The following DYNC2H1 variants were observed in gnomAD, a reference collection of about 807,000 sequenced individuals.
DYNC2H1 encodes the protein cytoplasmic dynein 2 heavy chain 1.
Under a neutral mutation model 570.0 loss-of-function variants are expected in DYNC2H1, and 410 were observed. The observed-to-expected ratio is 0.72, with a 90% CI of 0.66 to 0.78. The LOEUF (loss-of-function observed/expected upper bound fraction) is 0.78. Among genes scored for constraint, DYNC2H1 ranks in the 30% least tolerant of loss-of-function variants. The pLI is 0.00. For synonymous variants in DYNC2H1, 1,688 were observed against 1,677.6 expected (o/e 1.01, Z -0.15); for missense variants, 4,865 against 5,046.4 (o/e 0.96, Z 1.09).
chr11:103,334,551 T>C lies in DYNC2H1; in HGVS notation c.12039+10561T>C, dbSNP rs1212849465. Among the ~76,000 whole-genome samples the C allele has an allele frequency of 1.3e-5, 2 of 152,152 alleles. No homozygotes were observed. The highest frequency in any genetic ancestry group is 2.9e-5 in the Non-Finnish European group (2 of 67,978). ...AAAAACAGTTTTAGTTGGCATTTTA[T>C]TACTTTTTAAAATAAATTCAAAGTT... On this transcript the variant is annotated intron_variant, in intron 82 of 88. Coordinates refer to ENST00000375735, the MANE Select transcript of DYNC2H1 (RefSeq NM_001377.3). The surrounding 1 kb of genome is among the most constrained non-coding windows in gnomAD (Gnocchi z 4.3).
chr11:103,426,601 C>G (rs578118612), intron 84 of DYNC2H1, among the ~76,000 whole-genome samples: 3 of 152,230 alleles, frequency 2.0e-5, no homozygotes, highest in East Asian at 1.9e-4. Context: ...TCTATGTTAG[C>G]TTGGAAGACT....
In DYNC2H1 at chr11:103,158,919, T is replaced by G; in HGVS notation, c.4270T>G (p.Ser1424Ala). ...TTTCTATTTTTATTAGGAAAAACGC[T>G]CAGCATTCCCAAGATTTTATTTTAT... ...SLNEFLEEKR[S>A]AFPRFYFIGD... The change falls in exon 28 of 89, where the codon TCA becomes GCA. Residue 1424 changes from serine (S) to alanine (A), a missense_variant. Around this residue, in one of 5 missense-constraint regions of DYNC2H1, gnomAD observed 1,936 missense variants for 1,962.1 expected, o/e 0.99. Transcript: ENST00000375735. 6.2e-7 allele frequency: 1 copy of G among 1,607,956 alleles called. No individual in the cohort carries two copies. Among genetic ancestry groups the G allele is most frequent in the Non-Finnish European group, 8.5e-7 (1 of 1,178,256 alleles).
At chr11:103,282,264 A>C (rs776380565) in intron 72 of DYNC2H1, 35 bp downstream of exon 72, 2 of 1,595,040 alleles carry the variant, frequency 1.3e-6, no homozygotes, top group Middle Eastern at 3.3e-4. Flanking sequence ...TTTGCTCTTA[A>C]AGAAAATATT....
rs985569459 is a variant in DYNC2H1, at chr11:103,435,905, T to C, written c.12367-38T>C. The C allele has an allele frequency of 7.5e-6, 12 of 1,597,122 alleles. No individual in the cohort carries two copies. In the African/African-American group the frequency reaches 1.6e-4, roughly 21 times the overall value. ...TAGTAGTCTTCTATATGTAGTATCA[T>C]ATACACAAACTTAATTTTGACCCTT... On this transcript the variant is annotated intron_variant, in intron 84 of 88. Coordinates refer to ENST00000375735, the MANE Select transcript of DYNC2H1 (RefSeq NM_001377.3).
intron 72 of DYNC2H1, among the ~76,000 whole-genome samples, chr11:103,282,622 A>T (rs999223844): frequency 1.3e-5 from 2 of 151,928 alleles, no homozygotes; most frequent in Non-Finnish European, 2.9e-5. Context: ...TTTTCCTACT[A>T]ATTTCCTATT....
intron 84 of DYNC2H1, among the ~76,000 whole-genome samples, chr11:103,432,337 G>GTTGAGTTC (rs1943921720): frequency 6.6e-6 from 1 of 152,188 alleles, no homozygotes; most frequent in African/African-American, 2.4e-5. Flanking sequence ...AATGGCCGAT[G>GTTGAGTTC]TTGAGTTCTT....
chr11:103,187,299 T>C (rs1306066871), intron 42 of DYNC2H1, 41 bp from the exon 43 acceptor site: 13 of 1,607,646 alleles, frequency 8.1e-6, no homozygotes, highest in Admixed American at 1.7e-5. Context: ...ATTTTGTTGG[T>C]TGCATTTTTA....
rs1862027407 is a variant in DYNC2H1, at chr11:103,185,465, A to G, written c.6633+414A>G. Among the ~76,000 whole-genome samples the G allele has an allele frequency of 6.6e-6, 1 of 151,936 alleles. No individual in the cohort carries two copies. Among genetic ancestry groups the G allele is most frequent in the African/African-American group, 2.4e-5 (1 of 41,432 alleles). Reference sequence around the variant, plus strand: ...ATTATTAATAAATATTTTCTTTAATATATGTTAAAGTTGTATTACAGTCAA... The same window carrying G: ...ATTATTAATAAATATTTTCTTTAATGTATGTTAAAGTTGTATTACAGTCAA... On this transcript the variant is annotated intron_variant, in intron 41 of 88. Transcript: ENST00000375735. This position sits in a 1 kb window ranked among gnomAD's most constrained non-coding sequence, Gnocchi z 4.5.
At chr11:103,353,625 C>CT (rs1940160029) in intron 82 of DYNC2H1, among the ~76,000 whole-genome samples, 1 of 151,974 alleles carries the variant, frequency 6.6e-6, no homozygotes, top group Non-Finnish European at 1.5e-5. Flanking sequence ...GATAGTGATG[C>CT]TTTTTTCCCT....
intron 82 of DYNC2H1, among the ~76,000 whole-genome samples, chr11:103,339,644 G>A (rs1181407325): frequency 1.1e-5 from 1 of 93,460 alleles, no homozygotes; most frequent in Non-Finnish European, 2.4e-5. Flanking sequence ...GGGGAGAGGC[G>A]ATGCATGTAC....
intron 56 of DYNC2H1, among the ~76,000 whole-genome samples, 179 bp downstream of exon 56, chr11:103,220,207 T>C (rs970984883): frequency 6.6e-6 from 1 of 152,144 alleles, no homozygotes; most frequent in African/African-American, 2.4e-5. Context: ...AAGTATAAAT[T>C]AATGGATGAT....
intron 40 of DYNC2H1, among the ~76,000 whole-genome samples, chr11:103,183,055 A>G (rs779903002): frequency 6.6e-6 from 1 of 151,864 alleles, no homozygotes; most frequent in Admixed American, 6.6e-5. Flanking sequence ...TCTACCAACT[A>G]TGTTATAATT....
chr11:103,412,954 T>C (rs1383817813), intron 84 of DYNC2H1, among the ~76,000 whole-genome samples: 2 of 152,130 alleles, frequency 1.3e-5, no homozygotes, highest in South Asian at 4.1e-4. Context: ...TCCAGACCAA[T>C]ATCATTAGCA....
At chr11:103,308,470 C>A (rs1036084366) in intron 78 of DYNC2H1, among the ~76,000 whole-genome samples, 9 of 152,200 alleles carry the variant, frequency 5.9e-5, no homozygotes, top group African/African-American at 1.9e-4. Flanking sequence ...CTGGTGAGCA[C>A]ATATCTCTTC....
intron 26 of DYNC2H1, 117 bp downstream of exon 26, chr11:103,156,887 C>G (rs1860860957): frequency 7.8e-7 from 1 of 1,281,652 alleles, no homozygotes; most frequent in Non-Finnish European, 1.0e-6. Flanking sequence ...TCTGTGTATT[C>G]AAATTCTTTC....
intron 83 of DYNC2H1, among the ~76,000 whole-genome samples, chr11:103,372,328 T>C (rs1941199672): frequency 6.6e-6 from 1 of 152,148 alleles, no homozygotes; most frequent in Non-Finnish European, 1.5e-5. Context: ...CTTTATCTCG[T>C]TCTTGATCTT....
intron 29 of DYNC2H1, 108 bp downstream of exon 29, chr11:103,161,152 A>G: frequency 1.8e-6 from 1 of 543,224 alleles, no homozygotes; most frequent in South Asian, 3.4e-5. Flanking sequence ...TAATTTAGGT[A>G]TTTTAGGAAA....
intron 84 of DYNC2H1, among the ~76,000 whole-genome samples, chr11:103,425,426 A>G (rs1943632749): frequency 6.6e-6 from 1 of 152,074 alleles, no homozygotes; most frequent in Non-Finnish European, 1.5e-5. Context: ...CATATGGTGG[A>G]AAGAGTGCAG....
chr11:103,243,007 T>C lies in DYNC2H1; in HGVS notation c.9820-686T>C, dbSNP rs1480217355. 1.3e-5 allele frequency among the ~76,000 whole-genome samples: 2 copies of C among 151,988 alleles called. No individual in the cohort carries two copies. Among genetic ancestry groups the C allele is most frequent in the Non-Finnish European group, 2.9e-5 (2 of 67,970 alleles). Reference sequence around the variant, plus strand: ...GCCACCACACCGGGCCTGACTTCCTTTTTTTTAGAATTTAATTAGTGCAGG... The same window carrying C: ...GCCACCACACCGGGCCTGACTTCCTCTTTTTTAGAATTTAATTAGTGCAGG... On this transcript the variant is annotated intron_variant, in intron 63 of 88. Transcript: ENST00000375735. This position sits in a 1 kb window ranked among gnomAD's most constrained non-coding sequence, Gnocchi z 4.8.
Sources: allele counts gnomAD v4.1 joint callset (sites outside exome capture counted in the v4.1 genomes callset), GRCh38; gene constraint gnomAD v4.1.1; regional missense constraint gnomAD v4.1.1; non-coding constraint Gnocchi (gnomAD v3.1); transcripts MANE v1.5; gene names NCBI Gene and HGNC (gene_info 2026-07-23, HGNC 2026-07-21).